The following NBEA variants were observed in gnomAD, a reference collection of about 807,000 sequenced individuals.
NBEA encodes lysosomal-trafficking regulator 2.
Under a neutral mutation model 343.4 loss-of-function variants are expected in NBEA, and 44 were observed. The ratio of observed to expected loss-of-function variants is 0.13; its 90% CI spans 0.10 to 0.16. The LOEUF (loss-of-function observed/expected upper bound fraction) is 0.16. NBEA is among the 10% of genes least tolerant of loss of function. NBEA has a pLI of 1.00. For missense variants in NBEA, 2,555 were observed against 3,631.3 expected, an observed-to-expected ratio of 0.70 and a Z score of 7.62; for synonymous variants, 1,175 against 1,238.7, an observed-to-expected ratio of 0.95 and a Z score of 1.08.
intron 41 of NBEA, among the ~76,000 whole-genome samples, chr13:35,515,594 A>T (rs1420602288): frequency 6.6e-6 from 1 of 152,202 alleles, no homozygotes; most frequent in African/African-American, 2.4e-5. Flanking sequence ...TGCTATTTTC[A>T]ATTTAGAGAA....
intron 40 of NBEA, among the ~76,000 whole-genome samples, chr13:35,469,366 C>T (rs2075542748): frequency 6.6e-6 from 1 of 152,056 alleles, no homozygotes; most frequent in Non-Finnish European, 1.5e-5. Flanking sequence ...TTTAAAGATT[C>T]ATTATGCTTG....
chr13:35,499,012 G>T (rs887467945), intron 41 of NBEA, among the ~76,000 whole-genome samples: 2 of 151,964 alleles, frequency 1.3e-5, no homozygotes, highest in African/African-American at 4.8e-5. Context: ...TTCTGGCCTT[G>T]GTTCTATAAC....
chr13:35,020,032 A>T (rs2152540498), intron 1 of NBEA, among the ~76,000 whole-genome samples: 2 of 151,850 alleles, frequency 1.3e-5, no homozygotes, highest in Middle Eastern at 6.8e-3. Flanking sequence ...TGTTCTAGTT[A>T]TATTTTTTCT....
Position 35,109,349 on chromosome 13 carries a change from C to T in NBEA, c.1740C>T (p.Tyr580=). 3 of 1,612,370 alleles carry T rather than the reference C, an allele frequency of 1.9e-6. No homozygotes were observed. The highest frequency in any genetic ancestry group is 2.5e-6 in the Non-Finnish European group (3 of 1,179,030). Residue 580 remains tyrosine (Y), a synonymous_variant, in exon 12 of 59, where the codon TAC becomes TAT. Coordinates refer to ENST00000379939, the MANE Select transcript of NBEA (RefSeq NM_001385012.1). The part of the protein sequence containing the change: ...VLEQFLSFAK[Y]LDGLSHGAPL... Reference sequence around the variant, plus strand: ...AGCAATTTTTATCTTTTGCAAAATACCTTGATGGTTTATCTCATGGAGCAC... The same window carrying T: ...AGCAATTTTTATCTTTTGCAAAATATCTTGATGGTTTATCTCATGGAGCAC...
intron 38 of NBEA, among the ~76,000 whole-genome samples, chr13:35,406,939 G>GTT (rs34731478): frequency 7.4e-5 from 11 of 147,890 alleles, no homozygotes; most frequent in East Asian, 6.0e-4. Context: ...ATGTTTATGG[G>GTT]TTTTTTTTTC....
chr13:34,949,456 G>A lies in NBEA; in HGVS notation c.294+6342G>A, dbSNP rs113852294. Among the ~76,000 whole-genome samples, 1,357 of 152,238 alleles carry A rather than the reference G, an allele frequency of 8.9e-3. 22 individuals are homozygous for A. Among genetic ancestry groups the A allele is most frequent in the African/African-American group, 0.031 (1,283 of 41,530 alleles). The stretch of plus-strand genomic sequence containing the variant: ...AGGCCTGCATTCTTTTACTTCTAAG[G>A]CAATTCTAAGCTCCAGCAGTGTAGC... On this transcript the variant is annotated intron_variant, in intron 1 of 58. Coordinates refer to ENST00000379939, the MANE Select transcript of NBEA (RefSeq NM_001385012.1).
intron 10 of NBEA, among the ~76,000 whole-genome samples, chr13:35,081,053 G>A (rs1426583701): frequency 6.6e-6 from 1 of 152,106 alleles, no homozygotes; most frequent in Non-Finnish European, 1.5e-5. Flanking sequence ...ATGACTTTAT[G>A]ATTTAAAACA....
intron 33 of NBEA, among the ~76,000 whole-genome samples, chr13:35,226,684 CTTT>C (rs74262863): frequency 1.1e-4 from 14 of 132,170 alleles, no homozygotes; most frequent in Admixed American, 1.5e-4. Context: ...TGTTCTACAT[CTTT>C]TTTTTTTTTT....
intron 48 of NBEA, among the ~76,000 whole-genome samples, chr13:35,616,049 A>G (rs1016255215): frequency 6.6e-6 from 1 of 152,196 alleles, no homozygotes; most frequent in African/African-American, 2.4e-5. Flanking sequence ...ATATTCATTT[A>G]CATTCTAAGC....
chr13:35,563,129 G>GATAGATAGATAGA (rs2079944365), intron 44 of NBEA, among the ~76,000 whole-genome samples: 1 of 79,554 alleles, frequency 1.3e-5, no homozygotes, highest in African/African-American at 3.7e-5. Flanking sequence ...GTGTGTGTGT[G>GATAGATAGATAGA]TGGAGATAGA....
intron 1 of NBEA, among the ~76,000 whole-genome samples, chr13:34,959,917 A>G (rs1460071465): frequency 6.6e-6 from 1 of 152,138 alleles, no homozygotes; most frequent in Admixed American, 6.6e-5. Flanking sequence ...ATAATACTTG[A>G]TAATAAGCAG....
chr13:35,305,250 T>C lies in NBEA; in HGVS notation c.5839-4278T>C, dbSNP rs192974404. On this transcript the variant is annotated intron_variant, in intron 35 of 58. Coordinates refer to ENST00000379939, the MANE Select transcript of NBEA (RefSeq NM_001385012.1). ...CTTTCCAGTAGAACTAAAAACCTGC[T>C]CTAACTCTAGTGCATGTTAAGTATT... Among the ~76,000 whole-genome samples the C allele has an allele frequency of 2.0e-5, 3 of 152,342 alleles. No individual in the cohort carries two copies. The East Asian group carries it at 5.8e-4, about 29-fold the overall frequency.
At chr13:35,533,747 T>C (rs1484711298) in intron 41 of NBEA, among the ~76,000 whole-genome samples, 4 of 152,194 alleles carry the variant, frequency 2.6e-5, no homozygotes, top group South Asian at 4.1e-4. Flanking sequence ...CTCTAGTATA[T>C]ATTTTTATTT....
At chr13:35,328,025 C>A (rs1418727485) in intron 36 of NBEA, among the ~76,000 whole-genome samples, 1 of 151,840 alleles carries the variant, frequency 6.6e-6, no homozygotes, top group African/African-American at 2.4e-5. Flanking sequence ...AAAATGCTTT[C>A]CTTGTGGATC....
At chr13:35,240,517 G>A (rs1253925163) in intron 34 of NBEA, among the ~76,000 whole-genome samples, 2 of 151,868 alleles carry the variant, frequency 1.3e-5, no homozygotes, top group East Asian at 1.9e-4. Context: ...TATATTCAAC[G>A]TGTTGAATTA....
At chr13:35,021,496 T>G (rs976131994) in intron 1 of NBEA, among the ~76,000 whole-genome samples, 1 of 152,216 alleles carries the variant, frequency 6.6e-6, no homozygotes, top group Non-Finnish European at 1.5e-5. Context: ...GCAGTTATCA[T>G]TGCTGTTTAT....
intron 39 of NBEA, among the ~76,000 whole-genome samples, chr13:35,447,558 G>A (rs1044859956): frequency 6.6e-6 from 1 of 152,028 alleles, no homozygotes. Context: ...CTCACATGAT[G>A]TAGAAAATAA....
At chr13:35,616,889 C>G (rs1291652827) in intron 48 of NBEA, among the ~76,000 whole-genome samples, 1 of 152,112 alleles carries the variant, frequency 6.6e-6, no homozygotes, top group Non-Finnish European at 1.5e-5. Flanking sequence ...AGACTTTATT[C>G]AAAGTGTGCT....
chr13:35,304,415 C>T (rs570031548), intron 35 of NBEA, among the ~76,000 whole-genome samples: 12 of 151,858 alleles, frequency 7.9e-5, no homozygotes, highest in African/African-American at 1.9e-4. Flanking sequence ...AGTGCATTGG[C>T]GCGGTATTGG....
Sources: gnomAD v4.1 joint callset for allele counts (sites outside exome capture counted in the v4.1 genomes callset) on GRCh38, gnomAD v4.1.1 for gene constraint, MANE v1.5 for transcripts, NCBI Gene and HGNC (gene_info 2026-07-23, HGNC 2026-07-21) for gene names.